Variants in IQCK observed in about 807,000 individuals in gnomAD.
IQCK encodes the protein IQ motif containing K.
A neutral mutation model predicts 28.1 loss-of-function variants in IQCK; 29 were observed. The observed-to-expected ratio is 1.03, with a 90% CI of 0.77 to 1.41. The LOEUF is 1.41. Among genes scored for constraint, IQCK ranks in the 40% most tolerant of loss-of-function variants. The pLI is 0.00. For missense variants in IQCK, 359 were observed against 314.7 expected, an observed-to-expected ratio of 1.14 and a Z score of -1.07; for synonymous variants, 113 against 115.1, an observed-to-expected ratio of 0.98 and a Z score of 0.12.
chr16:19,821,313 C>T (rs2056068276), intron 7 of IQCK, among the ~76,000 whole-genome samples: 1 of 152,156 alleles, frequency 6.6e-6, no homozygotes, highest in Non-Finnish European at 1.5e-5. Context: ...ATGATTCAGC[C>T]ACTGTGAAAA....
At chr16:19,733,905 C>T in intron 3 of IQCK, 78 bp downstream of exon 3, 4 of 1,446,190 alleles carry the variant, frequency 2.8e-6, no homozygotes, top group Non-Finnish European at 3.9e-6. Flanking sequence ...TGGAGGCGGA[C>T]AGATGGACCT....
At chr16:19,734,759 C>T (rs1425278248) in intron 3 of IQCK, among the ~76,000 whole-genome samples, 6 of 143,282 alleles carry the variant, frequency 4.2e-5, no homozygotes, top group Non-Finnish European at 3.0e-5. Flanking sequence ...CCAGCCTGGG[C>T]GACAGAGTGA....
chr16:19,835,874 C>T (rs1349986439), intron 9 of IQCK, among the ~76,000 whole-genome samples: 1 of 152,226 alleles, frequency 6.6e-6, no homozygotes, highest in South Asian at 2.1e-4. Flanking sequence ...CGTGAGCCAT[C>T]ATGCCCAGCC....
chr16:19,828,942 ATTAT>A (rs919905300), downstream of IQCK, among the ~76,000 whole-genome samples: 52 of 143,636 alleles, frequency 3.6e-4, no homozygotes, highest in Non-Finnish European at 6.5e-4. Context: ...ATATATTTTA[ATTAT>A]TTAATTATTT....
intron 4 of IQCK, among the ~76,000 whole-genome samples, chr16:19,759,188 T>G (rs561706098): frequency 4.7e-4 from 72 of 152,086 alleles, no homozygotes; most frequent in Non-Finnish European, 8.1e-4. Flanking sequence ...CTCTGTCCAG[T>G]GCAGTCAATT....
rs778045826 is a variant in IQCK at position 19,801,114 on chromosome 16, CTTG to C, written c.690+12195_690+12197del. ...GTTCATTCTGAAATTCCAAAATCAT[CTTG>C]TTTTGTATTTCATAGTCTTTCTAAT... On this transcript the variant is annotated intron_variant, in intron 7 of 7. Transcript: ENST00000564186. 9.8e-5 allele frequency among the ~76,000 whole-genome samples: 14 copies of C among 142,480 alleles called. 1 individual carries two copies. The highest frequency in any genetic ancestry group is 1.5e-4 in the Non-Finnish European group (10 of 67,908). The allele number at this position is 142,480 out of a possible 152,430, so 93.5% of individuals were successfully genotyped here. A position where few individuals can be genotyped will look rare whatever the true frequency, so the allele number is the denominator to read the frequency against.
rs113465627 is a variant in IQCK, at chr16:19,851,017, T to C, written c.803-5470T>C. 6.9e-3 allele frequency among the ~76,000 whole-genome samples: 1,049 copies of C among 152,242 alleles called. 17 individuals are homozygous for C. Among genetic ancestry groups the C allele is most frequent in the African/African-American group, 0.024 (991 of 41,550 alleles). ...CCAGCCTGGGTAACAGAGCGAGACC[T>C]GGTCTCAATAAAAACGCGAATAATA... On this transcript the variant is annotated intron_variant, in intron 9 of 9. Coordinates refer to the IQCK transcript ENST00000320394.
chr16:19,830,708 G>A (rs1022462841), downstream of IQCK, among the ~76,000 whole-genome samples: 3 of 152,114 alleles, frequency 2.0e-5, no homozygotes, highest in African/African-American at 7.2e-5. Context: ...ACCTGCCTTT[G>A]GAATCCTAAC....
intron 4 of IQCK, among the ~76,000 whole-genome samples, chr16:19,755,081 A>G (rs911605690): frequency 6.6e-6 from 1 of 152,232 alleles, no homozygotes; most frequent in Non-Finnish European, 1.5e-5. Flanking sequence ...GCATCTGGTT[A>G]TAGGCCAAGT....
Position 19,762,220 on chromosome 16 carries a change from TTAA to T in IQCK, c.475-1624_475-1622del, listed in dbSNP as rs201541639. Among the ~76,000 whole-genome samples the T allele has an allele frequency of 6.9e-3, 1,046 of 152,262 alleles. 7 individuals are homozygous for T. The highest frequency in any genetic ancestry group is 0.011 in the Non-Finnish European group (733 of 68,010). The stretch of plus-strand genomic sequence containing the variant: ...CCATTTGGAAGCAATCAAGTTTCTG[TTAA>T]TAAGGTTGAAGTGGAGAGTGGACCG... On this transcript the variant is annotated intron_variant, in intron 4 of 7. Transcript: ENST00000564186.
chr16:19,822,340 C>G (rs564115887), intron 7 of IQCK, among the ~76,000 whole-genome samples: 9 of 133,766 alleles, frequency 6.7e-5, no homozygotes, highest in African/African-American at 2.0e-4. Flanking sequence ...GAGCTGAGAT[C>G]ATGCCACTGC....
intron 7 of IQCK, among the ~76,000 whole-genome samples, chr16:19,803,165 C>T (rs1302918259): frequency 6.6e-6 from 1 of 152,036 alleles, no homozygotes; most frequent in Non-Finnish European, 1.5e-5. Flanking sequence ...TTTTTTGAGA[C>T]AGAGTCTCAC....
intron 9 of IQCK, among the ~76,000 whole-genome samples, chr16:19,843,340 C>T (rs1227921888): frequency 1.3e-5 from 2 of 152,106 alleles, no homozygotes; most frequent in Non-Finnish European, 2.9e-5. Context: ...CCAGAAGAAA[C>T]CCTACACCCT....
chr16:19,774,440 C>T (rs1296803527), intron 6 of IQCK, among the ~76,000 whole-genome samples: 2 of 106,558 alleles, frequency 1.9e-5, no homozygotes, highest in South Asian at 3.6e-4. Flanking sequence ...CAGGGTCTTA[C>T]TCTGTTGCTC....
At chr16:19,776,921 C>A (rs1221375233) in intron 6 of IQCK, among the ~76,000 whole-genome samples, 2 of 152,116 alleles carry the variant, frequency 1.3e-5, no homozygotes, top group Non-Finnish European at 2.9e-5. Flanking sequence ...TATTTTCTAG[C>A]ACATTAAGAA....
chr16:19,857,414 TATTG>T (rs1452846702), exon 10 of IQCK: 41 of 438,780 alleles, frequency 9.3e-5, no homozygotes, highest in Non-Finnish European at 1.6e-4. Flanking sequence ...TTATGGTACA[TATTG>T]ATTGTCTTGA....
intron 7 of IQCK, among the ~76,000 whole-genome samples, chr16:19,809,838 G>T (rs994989225): frequency 6.6e-6 from 1 of 152,178 alleles, no homozygotes; most frequent in Non-Finnish European, 1.5e-5. Flanking sequence ...TGGGGCCTGA[G>T]AACTTGTGTT....
intron 1 of IQCK, 73 bp downstream of exon 1, chr16:19,718,560 A>C (rs966086028): frequency 7.4e-7 from 1 of 1,356,186 alleles, no homozygotes; most frequent in East Asian, 2.9e-5. Flanking sequence ...GGGAGCGCCC[A>C]CTGTGCGCCT....
intron 7 of IQCK, among the ~76,000 whole-genome samples, chr16:19,820,566 T>G (rs147162667): frequency 0.11 from 16,683 of 151,740 alleles, 1,152 homozygotes; most frequent in East Asian, 0.26. Flanking sequence ...CGAGAATCAC[T>G]TGAACCCGGG....
Sources: allele counts gnomAD v4.1 joint callset (sites outside exome capture counted in the v4.1 genomes callset), GRCh38; gene constraint gnomAD v4.1.1; transcripts MANE v1.5; gene names NCBI Gene and HGNC (gene_info 2026-07-23, HGNC 2026-07-21).